DCC: variants seen among roughly 807,000 people sequenced by gnomAD.
The protein encoded by DCC is netrin receptor DCC.
A neutral mutation model predicts 172.5 loss-of-function variants in DCC; 58 were observed. The observed-to-expected ratio is 0.34, with a 90% CI of 0.27 to 0.42. DCC has a LOEUF of 0.42. DCC is among the 10% of genes least tolerant of loss of function. The pLI is 1.00. For synonymous variants in DCC, 709 were observed against 644.5 expected (o/e 1.10, Z -1.52); for missense variants, 1,740 against 1,791.0 (o/e 0.97, Z 0.51).
intron 5 of DCC, among the ~76,000 whole-genome samples, chr18:53,041,174 T>G (rs1393288674): frequency 6.6e-6 from 1 of 152,104 alleles, no homozygotes; most frequent in Non-Finnish European, 1.5e-5. Flanking sequence ...TTAATCCGAC[T>G]TGAATTAATT....
At chr18:53,134,685 A>G (rs2043713607) in intron 7 of DCC, among the ~76,000 whole-genome samples, 1 of 152,170 alleles carries the variant, frequency 6.6e-6, no homozygotes, top group South Asian at 2.1e-4. Flanking sequence ...GACTATAGTT[A>G]AAAGAAATGA....
At chr18:52,686,435 T>G (rs1054173267) in intron 1 of DCC, among the ~76,000 whole-genome samples, 1 of 152,110 alleles carries the variant, frequency 6.6e-6, no homozygotes, top group East Asian at 1.9e-4. Flanking sequence ...TCAATTTCCC[T>G]TTGTTTACCA....
intron 12 of DCC, among the ~76,000 whole-genome samples, chr18:53,241,653 C>A (rs73463016): frequency 2.1e-4 from 32 of 152,238 alleles, no homozygotes; most frequent in Admixed American, 1.6e-3. Context: ...AGACAAAGAA[C>A]CTCTGAATGA....
At chr18:53,416,034 A>G (rs960961767) in intron 20 of DCC, 90 bp from the exon 21 acceptor site, 8 of 938,532 alleles carry the variant, frequency 8.5e-6, no homozygotes, top group Non-Finnish European at 1.4e-5. Flanking sequence ...TGAAATAAAA[A>G]CTTACTAAAA....
chr18:53,257,529 T>C (rs2056536199), intron 12 of DCC, among the ~76,000 whole-genome samples: 2 of 152,212 alleles, frequency 1.3e-5, no homozygotes, highest in African/African-American at 4.8e-5. Flanking sequence ...GATTTGCGTG[T>C]GTTGAACCAG....
intron 8 of DCC, among the ~76,000 whole-genome samples, chr18:53,162,157 G>C (rs1158170744): frequency 6.6e-6 from 1 of 151,962 alleles, no homozygotes; most frequent in Non-Finnish European, 1.5e-5. Context: ...AAATTAGCTG[G>C]ACGTGGTGGC....
intron 27 of DCC, among the ~76,000 whole-genome samples, chr18:53,521,077 C>T (rs1044442926): frequency 7.9e-5 from 12 of 151,990 alleles, no homozygotes; most frequent in African/African-American, 2.4e-4. Context: ...TCCAAGAGCC[C>T]TCGTGGTTCC....
chr18:53,114,690 G>T (rs368696327), intron 7 of DCC, among the ~76,000 whole-genome samples: 1 of 151,536 alleles, frequency 6.6e-6, no homozygotes, highest in Admixed American at 6.6e-5. Context: ...GATCAGCCAC[G>T]TTGGACTGAA....
intron 1 of DCC, among the ~76,000 whole-genome samples, chr18:52,664,274 T>G (rs1050185193): frequency 1.3e-5 from 2 of 152,200 alleles, no homozygotes; most frequent in Admixed American, 1.3e-4. Flanking sequence ...TCCAGAGGTG[T>G]TGTGGGCCTG....
intron 1 of DCC, among the ~76,000 whole-genome samples, chr18:52,450,601 T>A (rs1440145451): frequency 6.6e-6 from 1 of 152,234 alleles, no homozygotes; most frequent in South Asian, 2.1e-4. Context: ...AAACGTTTCT[T>A]ACTCATCAGT....
At chr18:52,977,483 C>T (rs8086856) in intron 5 of DCC, among the ~76,000 whole-genome samples, 12,095 of 152,146 alleles carry the variant, frequency 0.079, 911 homozygotes, top group East Asian at 0.21. Context: ...TGTGTGAATT[C>T]TTTGGTTTTC....
At chr18:52,573,359 C>A (rs1173626220) in intron 1 of DCC, among the ~76,000 whole-genome samples, 1 of 152,076 alleles carries the variant, frequency 6.6e-6, no homozygotes, top group East Asian at 1.9e-4. Context: ...CTTTAAGTTG[C>A]CTGAACTAAA....
intron 15 of DCC, among the ~76,000 whole-genome samples, chr18:53,347,589 A>G (rs2057739905): frequency 6.6e-6 from 1 of 152,220 alleles, no homozygotes; most frequent in Non-Finnish European, 1.5e-5. Context: ...AACATGTGTT[A>G]GAGGAACTAA....
intron 5 of DCC, among the ~76,000 whole-genome samples, chr18:52,935,977 G>C (rs754744981): frequency 6.6e-6 from 1 of 151,990 alleles, no homozygotes; most frequent in Non-Finnish European, 1.5e-5. Context: ...AGTCATAAAA[G>C]AAGTGCCTTA....
At chr18:53,063,991 G>A (rs2042533547) in intron 6 of DCC, among the ~76,000 whole-genome samples, 1 of 152,178 alleles carries the variant, frequency 6.6e-6, no homozygotes, top group South Asian at 2.1e-4. Flanking sequence ...AGGACAGTGG[G>A]TGCTGGTGGC....
At chr18:53,495,721 G>A (rs1177314776) in intron 26 of DCC, among the ~76,000 whole-genome samples, 1 of 152,110 alleles carries the variant, frequency 6.6e-6, no homozygotes, top group Non-Finnish European at 1.5e-5. Context: ...CTTCCAACTT[G>A]GTTCCATTCT....
At chr18:53,287,511 G>T (rs983484137) in intron 12 of DCC, among the ~76,000 whole-genome samples, 1 of 152,156 alleles carries the variant, frequency 6.6e-6, no homozygotes, top group Non-Finnish European at 1.5e-5. Flanking sequence ...CTTTGGGAAG[G>T]AACTGCTGGG....
rs2046547879 is a variant in DCC, at chr18:53,533,887, G to A, written c.*3234G>A. Reference sequence around the variant, plus strand: ...AAATTAGGTGTATGTTCAATCTCCTGCTTTGGTTCCAGCTACACAAGGAGA... The same window carrying A: ...AAATTAGGTGTATGTTCAATCTCCTACTTTGGTTCCAGCTACACAAGGAGA... On this transcript the variant is annotated 3_prime_UTR_variant, in exon 29 of 29. Transcript: ENST00000442544. The A allele has an allele frequency of 6.6e-6, 1 of 152,216 alleles. No homozygotes were observed. Among genetic ancestry groups the A allele is most frequent in the South Asian group, 2.1e-4 (1 of 4,828 alleles). 9.4% of individuals were successfully genotyped at this position (152,216 alleles called of 1,614,324 possible).
intron 5 of DCC, among the ~76,000 whole-genome samples, chr18:53,020,627 ATATC>A (rs2041866940): frequency 6.6e-6 from 1 of 152,170 alleles, no homozygotes; most frequent in African/African-American, 2.4e-5. Context: ...TGGATGAACA[ATATC>A]TATTGAGGCA....
Sources: gnomAD v4.1 joint callset for allele counts (sites outside exome capture counted in the v4.1 genomes callset) on GRCh38, gnomAD v4.1.1 for gene constraint, MANE v1.5 for transcripts, NCBI Gene and HGNC (gene_info 2026-07-23, HGNC 2026-07-21) for gene names.